ZNF555: variants seen among roughly 807,000 people sequenced by gnomAD.
ZNF555 encodes the protein zinc finger protein 555.
In ZNF555, 10 loss-of-function variants were observed where a neutral mutation model predicts 14.0. The observed-to-expected ratio is 0.72, with a 90% CI of 0.44 to 1.21. The LOEUF is 1.21. Ranked by LOEUF, ZNF555 falls within the 50% of genes most tolerant of loss-of-function variation. The probability of loss-of-function intolerance (pLI) is 0.00; values close to 1 mark genes in which losing one functional copy is unlikely to be tolerated. For missense variants in ZNF555, 747 were observed against 762.0 expected, an observed-to-expected ratio of 0.98 and a Z score of 0.23; for synonymous variants, 277 against 262.4, an observed-to-expected ratio of 1.06 and a Z score of -0.54.
At position 2,856,939 on chromosome 19, in the gene ZNF555, G is replaced by A. The variant is rs972476689; in HGVS notation, c.*2987G>A. 8 of 152,158 alleles carry A rather than the reference G, an allele frequency of 5.3e-5. No individual in the cohort carries two copies. The highest frequency in any genetic ancestry group is 1.9e-4 in the African/African-American group (8 of 41,436). 9.4% of individuals were successfully genotyped at this position (152,158 alleles called of 1,614,324 possible). A position where few individuals can be genotyped will look rare whatever the true frequency, so the allele number is the denominator to read the frequency against. On this transcript the variant is annotated 3_prime_UTR_variant, in exon 4 of 4. Transcript: ENST00000334241. ...TTTAGAGGTGAGTTCCGGAAAAAAA[G>A]AAGACATGTTTGACATCCTCAAACG...
At position 2,855,206 on chromosome 19, in the gene ZNF555, T is replaced by A. The variant is rs2087673469; in HGVS notation, c.*1254T>A. ...TTGATATAGGTTAAATTATTAGGTT[T>A]GATTATGTATCATTAAAAATAATGT... On this transcript the variant is annotated 3_prime_UTR_variant, in exon 4 of 4. Transcript: ENST00000334241. 6.6e-6 allele frequency: 1 copy of A among 152,212 alleles called. No individual in the cohort carries two copies. The allele number at this position is 152,212 out of a possible 1,614,324, so 9.4% of individuals were successfully genotyped here.
In ZNF555 at chr19:2,850,677, GT is replaced by G; in HGVS notation, c.95del (p.Val32GlyfsTer12). ...TGCTCAGAGGGACCTCTACAGAGAT[GT>G]GATGCTGGAGACCTTTCAGAACCTG... Reference protein sequence around the residue: ...DSAQRDLYRDVMLETFQNLAS... With the variant: ...DSAQRDLYRDXMLETFQNLAS... On this transcript the variant is annotated frameshift_variant, in exon 2 of 4. Coordinates refer to ENST00000334241, the MANE Select transcript of ZNF555 (RefSeq NM_152791.5). LOFTEE classifies it high-confidence loss of function. The G allele has an allele frequency of 6.2e-7, 1 of 1,613,932 alleles. No homozygotes were observed. Among genetic ancestry groups the G allele is most frequent in the South Asian group, 1.1e-5 (1 of 91,086 alleles).
rs780797490 is a variant in ZNF555 at position 2,853,318 on chromosome 19, A to G, written c.1253A>G (p.His418Arg). ...PSSFRGHMRVHTGEKPYECKQ... is the reference protein window; with the variant it reads ...PSSFRGHMRVRTGEKPYECKQ... ...TCCTTTCGAGGACACATGAGGGTGC[A>G]CACTGGAGAGAAACCCTATGAGTGC... is the stretch of plus-strand genomic sequence containing the variant. Residue 418 changes from histidine (H) to arginine (R), a missense_variant, in exon 4 of 4, where the codon CAC becomes CGC. Transcript: ENST00000334241. 2 of 1,614,244 alleles carry G rather than the reference A, an allele frequency of 1.2e-6. No individual in the cohort carries two copies. Among genetic ancestry groups the G allele is most frequent in the East Asian group, 2.2e-5 (1 of 44,884 alleles).
Position 2,849,739 on chromosome 19 carries a change from C to T in ZNF555, c.4-848C>T, listed in dbSNP as rs574529584. Among the ~76,000 whole-genome samples the T allele has an allele frequency of 7.9e-5, 12 of 151,860 alleles. No homozygotes were observed. In the South Asian group the frequency reaches 1.3e-3, roughly 16 times the overall value. ...CTGACCTCAAATGATCTGCCTGCCGCGGCCTCCCAAAGTGCTGGGGTTACA... is the reference window on the plus strand; with the variant it reads ...CTGACCTCAAATGATCTGCCTGCCGTGGCCTCCCAAAGTGCTGGGGTTACA... On this transcript the variant is annotated intron_variant, in intron 1 of 3. Transcript: ENST00000334241.
chr19:2,849,339 T>A (rs1043635377), intron 1 of ZNF555, among the ~76,000 whole-genome samples: 2 of 152,034 alleles, frequency 1.3e-5, no homozygotes, highest in African/African-American at 4.8e-5. Flanking sequence ...CTCCTGGAAT[T>A]TGAGACACAG....
intron 1 of ZNF555, among the ~76,000 whole-genome samples, chr19:2,843,764 C>T (rs917119895): frequency 1.3e-5 from 2 of 152,204 alleles, no homozygotes; most frequent in Admixed American, 6.5e-5. Flanking sequence ...TTTGTCCCAG[C>T]TCCTTATATT....
chr19:2,853,836 CAGTA>C lies in ZNF555; in HGVS notation c.1772_1775del (p.Gln591LeufsTer5). The C allele has an allele frequency of 6.2e-7, 1 of 1,613,938 alleles. No homozygotes were observed. Among genetic ancestry groups the C allele is most frequent in the African/African-American group, 1.3e-5 (1 of 75,040 alleles). On this transcript the variant is annotated frameshift_variant, in exon 4 of 4. Transcript: ENST00000334241. LOFTEE classifies it low-confidence loss of function (END_TRUNC). ...TGTGAGAATACACACTACAGAAAAA[CAGTA>C]TAAGTGTAATGTAGGACATCCTCCT...
chr19:2,852,938 A>C lies in ZNF555; in HGVS notation c.873A>C (p.Glu291Asp). 1 of 1,614,232 alleles carries C rather than the reference A, an allele frequency of 6.2e-7. No homozygotes were observed. Among genetic ancestry groups the C allele is most frequent in the Non-Finnish European group, 8.5e-7 (1 of 1,180,040 alleles). Residue 291 changes from glutamate to aspartate, a missense_variant, in exon 4 of 4, where the codon GAA (glutamate) becomes GAC (aspartate). Transcript: ENST00000334241. ...EKPYKCKECAEAFSYSSTFRR... is the reference protein window; with the variant it reads ...EKPYKCKECADAFSYSSTFRR... Reference sequence around the variant, plus strand: ...CATATAAATGTAAGGAATGTGCGGAAGCCTTTAGTTATTCCTCAACTTTTC... The same window carrying C: ...CATATAAATGTAAGGAATGTGCGGACGCCTTTAGTTATTCCTCAACTTTTC...
rs2087655645 is a variant in ZNF555, at chr19:2,853,502, C to G, written c.1437C>G (p.Ser479=). Residue 479 remains serine (S), a synonymous_variant, in exon 4 of 4, where the codon TCC becomes TCG. Coordinates refer to ENST00000334241, the MANE Select transcript of ZNF555 (RefSeq NM_152791.5). ...TGAGAATGCACCCTGAAGACAAATC[C>G]TATGAATGCAAGCTATGTGGGAAAG... ...EHVRMHPEDK[S]YECKLCGKAF... 2 of 1,614,002 alleles carry G rather than the reference C, an allele frequency of 1.2e-6. No individual in the cohort carries two copies. Among genetic ancestry groups the G allele is most frequent in the Middle Eastern group, 1.6e-4 (1 of 6,082 alleles).
chr19:2,852,889 CAAT>C lies in ZNF555; in HGVS notation c.827_829del (p.Ile276del), dbSNP rs1486333868. 2 of 1,614,076 alleles carry C rather than the reference CAAT, an allele frequency of 1.2e-6. No homozygotes were observed. Among genetic ancestry groups the C allele is most frequent in the East Asian group, 2.2e-5 (1 of 44,876 alleles). ...TATTCCTCAACGTTTCGAAGACACA[CAAT>C]AACACACACTGGCGAGAAGCCATAT... is the stretch of plus-strand genomic sequence containing the variant. On this transcript the variant is annotated inframe_deletion, in exon 4 of 4. Transcript: ENST00000334241.
chr19:2,851,432 G>A (rs973751441), intron 2 of ZNF555, 36 bp from the exon 3 acceptor site: 1 of 1,521,330 alleles, frequency 6.6e-7, no homozygotes, highest in Non-Finnish European at 8.8e-7. Flanking sequence ...GCTAACAAGT[G>A]CCTTCTTATA....
At position 2,852,506 on chromosome 19, in the gene ZNF555, G is replaced by A. The variant is rs567529144; in HGVS notation, c.441G>A (p.Thr147=). The change falls in exon 4 of 4, where the codon ACG becomes ACA. Residue 147 remains threonine (T), a synonymous_variant. Transcript: ENST00000334241. ...GAGTAAAACAGTATGAATACAACAC[G>A]TACGGAAAAGTCTTCATGCATCGCC... is the stretch of plus-strand genomic sequence containing the variant. ...PPGVKQYEYN[T]YGKVFMHRRT... is the part of the protein sequence containing the mutation. 93 of 1,613,990 alleles carry A rather than the reference G, an allele frequency of 5.8e-5. No individual in the cohort carries two copies. The highest frequency in any genetic ancestry group is 1.7e-4 in the Middle Eastern group (1 of 6,060).
chr19:2,842,765 G>C (rs1435405664), intron 1 of ZNF555, among the ~76,000 whole-genome samples: 1 of 152,170 alleles, frequency 6.6e-6, no homozygotes, highest in Non-Finnish European at 1.5e-5. Context: ...TTTCCAGGCC[G>C]GGCGCGGTGG....
rs2087668158 is a variant in ZNF555 at position 2,854,592 on chromosome 19, A to T, written c.*640A>T. 1 of 153,230 alleles carries T rather than the reference A, an allele frequency of 6.5e-6. No homozygotes were observed. Among genetic ancestry groups the T allele is most frequent in the Non-Finnish European group, 1.5e-5 (1 of 68,748 alleles). The allele number at this position is 153,230 out of a possible 1,614,324, so 9.5% of individuals were successfully genotyped here. ...AATAACTTGAATGAAATTTAGAATG[A>T]AGAAGAAGTAAGTCATCGCTGAGCT... On this transcript the variant is annotated 3_prime_UTR_variant, in exon 4 of 4. Coordinates refer to ENST00000334241, the MANE Select transcript of ZNF555 (RefSeq NM_152791.5).
In ZNF555 at chr19:2,852,528, C is replaced by T. The variant is rs778740124; in HGVS notation, c.463C>T (p.Arg155Cys). 15 of 1,614,046 alleles carry T rather than the reference C, an allele frequency of 9.3e-6. No individual in the cohort carries two copies. The highest frequency in any genetic ancestry group is 3.3e-5 in the South Asian group (3 of 91,086). Residue 155 changes from arginine (R) to cysteine (C), a missense_variant, in exon 4 of 4, where the codon CGC becomes TGC. By Grantham distance (180) the Arg-to-Cys change is radical. Coordinates refer to ENST00000334241, the MANE Select transcript of ZNF555 (RefSeq NM_152791.5). ...YNTYGKVFMH[R>C]RTSLKSPITV... ...CACGTACGGAAAAGTCTTCATGCAT[C>T]GCCGCACATCCCTCAAGAGTCCCAT...
chr19:2,851,284 C>A (rs1431149970), intron 2 of ZNF555, among the ~76,000 whole-genome samples, 184 bp from the exon 3 acceptor site: 1 of 144,340 alleles, frequency 6.9e-6, no homozygotes, highest in African/African-American at 2.5e-5. Flanking sequence ...GCATGAGCCA[C>A]CGCGCCTGGC....
chr19:2,841,607 G>T, intron 1 of ZNF555, 32 bp downstream of exon 1: 1 of 1,504,874 alleles, frequency 6.6e-7, no homozygotes, highest in Non-Finnish European at 8.9e-7. Context: ...ATCCCGGTGC[G>T]GGGCAGCAGG....
rs1368499476 is a variant in ZNF555 at position 2,858,453 on chromosome 19, A to G, written c.*4501A>G. 6.6e-6 allele frequency: 1 copy of G among 152,098 alleles called. No homozygotes were observed. Among genetic ancestry groups the G allele is most frequent in the Non-Finnish European group, 1.5e-5 (1 of 68,018 alleles). 9.4% of individuals were successfully genotyped at this position (152,098 alleles called of 1,614,324 possible). On this transcript the variant is annotated 3_prime_UTR_variant, in exon 4 of 4. Coordinates refer to ENST00000334241, the MANE Select transcript of ZNF555 (RefSeq NM_152791.5). ...CTGAAACATAAAACGGGGACCCTAC[A>G]CTTCTTCCCAGGAATATCCTGCCTG...
intron 1 of ZNF555, among the ~76,000 whole-genome samples, chr19:2,845,272 C>G (rs997322853): frequency 1.3e-5 from 2 of 152,200 alleles, no homozygotes; most frequent in African/African-American, 2.4e-5. Flanking sequence ...CCAGCTGCAT[C>G]CATGTTGCTG....
Sources: allele counts gnomAD v4.1 joint callset (sites outside exome capture counted in the v4.1 genomes callset), GRCh38; gene constraint gnomAD v4.1.1; transcripts MANE v1.5; gene names NCBI Gene and HGNC (gene_info 2026-07-23, HGNC 2026-07-21).